CSMD1: variants seen among roughly 807,000 people sequenced by gnomAD.
CSMD1 encodes the protein CUB and Sushi multiple domains 1.
A neutral mutation model predicts 417.5 loss-of-function variants in CSMD1; 213 were observed. The ratio of observed to expected loss-of-function variants is 0.51; its 90% CI spans 0.46 to 0.57. The LOEUF is 0.57. Among genes scored for constraint, CSMD1 ranks in the 20% least tolerant of loss-of-function variants. CSMD1 has a pLI of 0.00. For synonymous variants in CSMD1, 2,862 were observed against 1,736.8 expected, an observed-to-expected ratio of 1.65 and a Z score of -16.11; for missense variants, 6,923 against 4,529.7, an observed-to-expected ratio of 1.53 and a Z score of -15.17.
chr8:4,040,339 G>C (rs1235515295), intron 3 of CSMD1, among the ~76,000 whole-genome samples: 3 of 152,156 alleles, frequency 2.0e-5, no homozygotes, highest in Admixed American at 2.0e-4. Context: ...GTATCAGTAA[G>C]TACTATTATT....
At chr8:4,800,554 C>T (rs1482159165) in intron 1 of CSMD1, among the ~76,000 whole-genome samples, 1 of 152,078 alleles carries the variant, frequency 6.6e-6, no homozygotes, top group Non-Finnish European at 1.5e-5. Context: ...GAAGAGTTTT[C>T]TGATAAAGAC....
At chr8:3,763,322 C>G (rs1346656135) in intron 5 of CSMD1, among the ~76,000 whole-genome samples, 1 of 152,028 alleles carries the variant, frequency 6.6e-6, no homozygotes, top group African/African-American at 2.4e-5. Context: ...GAGGTGGGGC[C>G]CTGTGGGAGG....
intron 5 of CSMD1, among the ~76,000 whole-genome samples, chr8:3,783,528 G>T (rs1331783143): frequency 6.6e-6 from 1 of 152,194 alleles, no homozygotes; most frequent in Non-Finnish European, 1.5e-5. Context: ...TGTGCTGAGG[G>T]TGCTGCCCCT....
chr8:4,409,860 C>G (rs1280631450), intron 3 of CSMD1, among the ~76,000 whole-genome samples: 1 of 151,996 alleles, frequency 6.6e-6, no homozygotes, highest in African/African-American at 2.4e-5. Flanking sequence ...GTTGCCCAGG[C>G]TGGAGTGTAA....
At chr8:4,856,528 G>A (rs1348081896) in intron 1 of CSMD1, among the ~76,000 whole-genome samples, 5 of 139,274 alleles carry the variant, frequency 3.6e-5, no homozygotes, top group Admixed American at 6.9e-5. Context: ...CCCATCTCAC[G>A]TGCAGAGACA....
chr8:3,684,786 T>A (rs1317393975), intron 7 of CSMD1, among the ~76,000 whole-genome samples: 1 of 152,154 alleles, frequency 6.6e-6, no homozygotes, highest in Non-Finnish European at 1.5e-5. Flanking sequence ...AGCCTAATTT[T>A]AGTCACCCTC....
intron 3 of CSMD1, among the ~76,000 whole-genome samples, chr8:4,186,450 C>A (rs149945168): frequency 1.3e-5 from 2 of 151,960 alleles, no homozygotes; most frequent in Non-Finnish European, 2.9e-5. Context: ...AGGTTTCCAC[C>A]TTGTAAAATA....
intron 3 of CSMD1, among the ~76,000 whole-genome samples, chr8:4,300,036 A>G (rs1197760372): frequency 1.3e-5 from 2 of 152,236 alleles, no homozygotes; most frequent in African/African-American, 4.8e-5. Context: ...GAGGCCACAA[A>G]GAGTGAGAGG....
chr8:3,440,997 T>C (rs1489208677), intron 12 of CSMD1, among the ~76,000 whole-genome samples: 1 of 152,174 alleles, frequency 6.6e-6, no homozygotes, highest in African/African-American at 2.4e-5. Flanking sequence ...ATCCTGAGAT[T>C]AGATCATCCT....
At chr8:4,688,175 G>T (rs1780405749) in intron 1 of CSMD1, among the ~76,000 whole-genome samples, 1 of 152,112 alleles carries the variant, frequency 6.6e-6, no homozygotes, top group South Asian at 2.1e-4. Context: ...GGAGTTTTTT[G>T]TGAGTGTACG....
chr8:3,098,901 T>A lies in CSMD1; in HGVS notation c.6950-1864A>T, dbSNP rs144778824. 9.1e-3 allele frequency among the ~76,000 whole-genome samples: 1,379 copies of A among 151,812 alleles called. 23 individuals carry two copies. Among genetic ancestry groups the A allele is most frequent in the African/African-American group, 0.032 (1,309 of 41,354 alleles). ...CCAATATACACAATTTTTTTTTTTT[T>A]AAATCTAAAGCACTATGTGGGCAGA... is the stretch of plus-strand genomic sequence containing the variant. On this transcript the variant is annotated intron_variant, in intron 46 of 69. Coordinates refer to ENST00000635120, the MANE Select transcript of CSMD1 (RefSeq NM_033225.6).
At chr8:4,433,579 G>A (rs1319896424) in intron 2 of CSMD1, among the ~76,000 whole-genome samples, 1 of 152,132 alleles carries the variant, frequency 6.6e-6, no homozygotes, top group Non-Finnish European at 1.5e-5. Flanking sequence ...ACAGAGAGAT[G>A]AAAAGCGCCC....
At chr8:3,692,696 G>C (rs903779142) in intron 7 of CSMD1, among the ~76,000 whole-genome samples, 1 of 152,156 alleles carries the variant, frequency 6.6e-6, no homozygotes, top group African/African-American at 2.4e-5. Flanking sequence ...GCCTCCAGAA[G>C]TGCTGGGATT....
chr8:4,972,974 C>G (rs566461764), intron 1 of CSMD1, among the ~76,000 whole-genome samples: 1 of 152,068 alleles, frequency 6.6e-6, no homozygotes, highest in African/African-American at 2.4e-5. Context: ...AATTAAAAAT[C>G]ACTTGGACTT....
chr8:2,991,469 G>T (rs139835362), intron 54 of CSMD1, among the ~76,000 whole-genome samples: 1 of 152,056 alleles, frequency 6.6e-6, no homozygotes, highest in Admixed American at 6.5e-5. Context: ...TTTCTAAAAG[G>T]CCAGATATGG....
At chr8:3,819,903 G>C (rs1421178552) in intron 5 of CSMD1, among the ~76,000 whole-genome samples, 1 of 152,122 alleles carries the variant, frequency 6.6e-6, no homozygotes, top group Non-Finnish European at 1.5e-5. Flanking sequence ...TGCTATAATA[G>C]AGGCAGACTG....
chr8:4,382,040 T>C (rs1584988147), intron 3 of CSMD1, among the ~76,000 whole-genome samples: 1 of 152,202 alleles, frequency 6.6e-6, no homozygotes, highest in South Asian at 2.1e-4. Flanking sequence ...GAATTTCTGT[T>C]ATGCGACACC....
chr8:4,660,558 T>TA (rs1461187425), intron 1 of CSMD1, among the ~76,000 whole-genome samples: 1 of 152,016 alleles, frequency 6.6e-6, no homozygotes, highest in African/African-American at 2.4e-5. Flanking sequence ...GGAACTGGAA[T>TA]ACCTAAAATA....
At chr8:3,643,753 T>A (rs1347682929) in intron 7 of CSMD1, among the ~76,000 whole-genome samples, 1 of 150,298 alleles carries the variant, frequency 6.7e-6, no homozygotes, top group African/African-American at 2.5e-5. Context: ...TTCCAGCTAC[T>A]TAATCACCTC....
Sources: gnomAD v4.1 joint callset for allele counts (sites outside exome capture counted in the v4.1 genomes callset) on GRCh38, gnomAD v4.1.1 for gene constraint, MANE v1.5 for transcripts, NCBI Gene and HGNC (gene_info 2026-07-23, HGNC 2026-07-21) for gene names.